Variants in THEM4 observed in about 807,000 individuals in gnomAD.
The protein encoded by THEM4 is thioesterase superfamily member 4.
A neutral mutation model predicts 25.0 loss-of-function variants in THEM4; 22 were observed. That is an observed-to-expected ratio of 0.88 (90% CI 0.63 to 1.26). The LOEUF (loss-of-function observed/expected upper bound fraction) is 1.26, where lower values mean the gene tolerates loss of function less well. Among genes scored for constraint, THEM4 ranks in the 50% most tolerant of loss-of-function variants. The probability of loss-of-function intolerance (pLI) is 0.00; values close to 1 mark genes in which losing one functional copy is unlikely to be tolerated. For missense variants in THEM4, 286 were observed against 300.3 expected (o/e 0.95, Z 0.35); for synonymous variants, 113 against 105.6 (o/e 1.07, Z -0.43).
chr1:151,883,447 A>T (rs1262533876), intron 4 of THEM4, among the ~76,000 whole-genome samples: 1 of 152,004 alleles, frequency 6.6e-6, no homozygotes, highest in East Asian at 1.9e-4. Flanking sequence ...AGATTTCATA[A>T]GAACTCACTA....
At chr1:151,903,280 AAT>A (rs1558194788) in intron 1 of THEM4, among the ~76,000 whole-genome samples, 1 of 152,190 alleles carries the variant, frequency 6.6e-6, no homozygotes, top group African/African-American at 2.4e-5. Flanking sequence ...AAATTTTTTA[AAT>A]ATAATTTTTC....
chr1:151,902,523 A>T (rs1301279512), intron 1 of THEM4, among the ~76,000 whole-genome samples: 1 of 152,220 alleles, frequency 6.6e-6, no homozygotes, highest in Non-Finnish European at 1.5e-5. Context: ...GATAAGGGAT[A>T]AAAGACTATA....
intron 4 of THEM4, among the ~76,000 whole-genome samples, chr1:151,879,413 C>CA (rs2101716481): frequency 7.0e-6 from 1 of 142,118 alleles, no homozygotes; most frequent in South Asian, 2.2e-4. Context: ...TTAAAAAGTT[C>CA]TTTTTTTTTT....
rs1183225251 is a variant in THEM4, at chr1:151,871,449, ATC to A, written c.*3437_*3438del. ...GAGTGGAGCTGGCAATTCTGATAGC[ATC>A]TCTCTCCTTCTTTCTACCTGTTCTG... On this transcript the variant is annotated 3_prime_UTR_variant, in exon 6 of 6. Coordinates refer to ENST00000368814, the MANE Select transcript of THEM4 (RefSeq NM_053055.5). Among the ~76,000 whole-genome samples, 4 of 152,290 alleles carry A rather than the reference ATC, an allele frequency of 2.6e-5. No homozygotes were observed. The East Asian group carries it at 7.7e-4, about 29-fold the overall frequency.
At position 151,874,827 on chromosome 1, in the gene THEM4, T is replaced by A; in HGVS notation, c.*61A>T. On this transcript the variant is annotated 3_prime_UTR_variant, in exon 6 of 6. Transcript: ENST00000368814. The stretch of plus-strand genomic sequence containing the variant: ...GATTCAGCAGTGAGGGAGCAGAGTA[T>A]TTGGGGGACAACTGCTTCTTCTGGA... 6.6e-7 allele frequency: 1 copy of A among 1,511,712 alleles called. No homozygotes were observed. Among genetic ancestry groups the A allele is most frequent in the Non-Finnish European group, 9.2e-7 (1 of 1,088,320 alleles). The allele number at this position is 1,511,712 out of a possible 1,614,324, so 93.6% of individuals were successfully genotyped here. A position where few individuals can be genotyped will look rare whatever the true frequency, so the allele number is the denominator to read the frequency against.
At chr1:151,906,619 G>A (rs1303108250) in intron 1 of THEM4, among the ~76,000 whole-genome samples, 2 of 152,246 alleles carry the variant, frequency 1.3e-5, no homozygotes, top group Non-Finnish European at 2.9e-5. Flanking sequence ...TGGGAACTTG[G>A]AGAACCTTTA....
intron 1 of THEM4, among the ~76,000 whole-genome samples, chr1:151,902,621 T>C (rs992437768): frequency 3.3e-5 from 5 of 151,986 alleles, no homozygotes; most frequent in African/African-American, 9.7e-5. Flanking sequence ...TGTAACCAAA[T>C]ACCACCTGTA....
At chr1:151,880,284 TG>T (rs1653781893) in intron 4 of THEM4, among the ~76,000 whole-genome samples, 1 of 151,954 alleles carries the variant, frequency 6.6e-6, no homozygotes, top group Non-Finnish European at 1.5e-5. Flanking sequence ...GAGAGCAGCC[TG>T]GTCAGCATGG....
In THEM4 at chr1:151,872,532, T is replaced by G. The variant is rs958398577; in HGVS notation, c.*2356A>C. On this transcript the variant is annotated 3_prime_UTR_variant, in exon 6 of 6. Transcript: ENST00000368814. Reference sequence around the variant, plus strand: ...TCTGTAGGGAAAAGAGAGATCAGACTGTTACTGTGTCTATGTAGAAAGGAA... The same window carrying G: ...TCTGTAGGGAAAAGAGAGATCAGACGGTTACTGTGTCTATGTAGAAAGGAA... Among the ~76,000 whole-genome samples, 2 of 152,174 alleles carry G rather than the reference T, an allele frequency of 1.3e-5. No individual in the cohort carries two copies. Among genetic ancestry groups the G allele is most frequent in the African/African-American group, 4.8e-5 (2 of 41,446 alleles).
At chr1:151,896,927 A>G (rs1654238235) in intron 1 of THEM4, among the ~76,000 whole-genome samples, 1 of 152,188 alleles carries the variant, frequency 6.6e-6, no homozygotes, top group Non-Finnish European at 1.5e-5. Flanking sequence ...AAAATATAGG[A>G]GAAAGAGGAG....
chr1:151,893,491 G>A (rs1047426099), intron 2 of THEM4, among the ~76,000 whole-genome samples: 3 of 151,570 alleles, frequency 2.0e-5, no homozygotes, highest in Admixed American at 1.3e-4. Flanking sequence ...ATGCTGATAC[G>A]AAACATCTAG....
chr1:151,891,329 G>A (rs776688738), intron 2 of THEM4: 6 of 152,202 alleles, frequency 3.9e-5, no homozygotes, highest in African/African-American at 1.4e-4. Context: ...CTTTGAGGAG[G>A]ATAAGAATGG....
At chr1:151,888,920 A>G (rs1043627245) in intron 3 of THEM4, among the ~76,000 whole-genome samples, 2 of 151,966 alleles carry the variant, frequency 1.3e-5, no homozygotes, top group African/African-American at 2.4e-5. Flanking sequence ...CCATAATACT[A>G]CCCACCTAGT....
In THEM4 at chr1:151,888,369, C is replaced by A. The variant is rs1654016670; in HGVS notation, c.461G>T (p.Gly154Val). 1.2e-6 allele frequency: 2 copies of A among 1,612,540 alleles called. No individual in the cohort carries two copies. The highest frequency in any genetic ancestry group is 4.5e-5 in the East Asian group (2 of 44,828). ...AGCATCAATCATGGTTGCAATGGCA[C>A]CTCCATGAATGAATCTAGTTACAAC... is the stretch of plus-strand genomic sequence containing the variant. Reference protein sequence around the residue: ...LEGPPGFIHGGAIATMIDATV... With the variant: ...LEGPPGFIHGVAIATMIDATV... The change falls in exon 4 of 6, where the codon GGT becomes GTT. Residue 154 changes from glycine (G) to valine (V), a missense_variant. Transcript: ENST00000368814.
chr1:151,898,792 A>G (rs906322144), intron 1 of THEM4, among the ~76,000 whole-genome samples: 3 of 152,228 alleles, frequency 2.0e-5, no homozygotes, highest in Non-Finnish European at 4.4e-5. Context: ...ACCAACCCAG[A>G]GCTGGGCAGA....
chr1:151,904,218 A>G (rs1654410554), intron 1 of THEM4, among the ~76,000 whole-genome samples: 1 of 152,208 alleles, frequency 6.6e-6, no homozygotes, highest in African/African-American at 2.4e-5. Context: ...GTAAGGTGGA[A>G]AGAGAAGAGC....
chr1:151,906,105 C>A (rs952228341), intron 1 of THEM4, among the ~76,000 whole-genome samples: 1 of 152,246 alleles, frequency 6.6e-6, no homozygotes, highest in Admixed American at 6.5e-5. Flanking sequence ...AGGCCAGAGC[C>A]GGCTCCCTCA....
At chr1:151,895,346 C>G (rs1042910472) in intron 1 of THEM4, 152 bp from the exon 2 acceptor site, 1 of 695,594 alleles carries the variant, frequency 1.4e-6, no homozygotes, top group African/African-American at 1.8e-5. Flanking sequence ...ATCATCTGGT[C>G]CAACCTCCTT....
rs191350080 is a variant in THEM4 at position 151,906,826 on chromosome 1, G to A, written c.99+2534C>T. Among the ~76,000 whole-genome samples the A allele has an allele frequency of 1.8e-3, 278 of 152,210 alleles. 1 individual carries two copies. The highest frequency in any genetic ancestry group is 5.9e-3 in the African/African-American group (246 of 41,512). On this transcript the variant is annotated intron_variant, in intron 1 of 5. Transcript: ENST00000368814. ...TGTATCTAGCTAATCTGGTGTGGACGTGGAGAACCTTTGTGTCTAGCTCAG... is the reference window on the plus strand; with the variant it reads ...TGTATCTAGCTAATCTGGTGTGGACATGGAGAACCTTTGTGTCTAGCTCAG...
Sources: allele counts gnomAD v4.1 joint callset (sites outside exome capture counted in the v4.1 genomes callset), GRCh38; gene constraint gnomAD v4.1.1; transcripts MANE v1.5; gene names NCBI Gene and HGNC (gene_info 2026-07-23, HGNC 2026-07-21).